EFNA5: variants seen among roughly 807,000 people sequenced by gnomAD.
The protein encoded by EFNA5 is ephrin-A5.
Under a neutral mutation model 22.9 loss-of-function variants are expected in EFNA5, and 5 were observed. The observed-to-expected ratio is 0.22, with a 90% CI of 0.11 to 0.46. The LOEUF (loss-of-function observed/expected upper bound fraction) is 0.46. EFNA5 is among the 20% of genes least tolerant of loss of function. The pLI is 0.99. For synonymous variants in EFNA5, 113 were observed against 112.2 expected (o/e 1.01, Z -0.04); for missense variants, 237 against 293.3 (o/e 0.81, Z 1.40).
intron 1 of EFNA5, among the ~76,000 whole-genome samples, chr5:107,499,192 T>A (rs975615027): frequency 6.6e-6 from 1 of 152,250 alleles, no homozygotes; most frequent in Admixed American, 6.5e-5. Flanking sequence ...AATTTTTTTT[T>A]AAATCGGGAG....
chr5:107,553,382 C>T (rs1358192065), intron 1 of EFNA5, among the ~76,000 whole-genome samples: 1 of 152,192 alleles, frequency 6.6e-6, no homozygotes, highest in East Asian at 1.9e-4. Flanking sequence ...CAGCCCCACT[C>T]CACCACCGCC....
At chr5:107,569,296 A>G (rs609539) in intron 1 of EFNA5, among the ~76,000 whole-genome samples, 9,450 of 150,392 alleles carry the variant, frequency 0.063, 888 homozygotes, top group African/African-American at 0.21. Context: ...AGCAACTCAA[A>G]TTTCCAAGTA....
chr5:107,402,064 C>T (rs1748100307), intron 2 of EFNA5, among the ~76,000 whole-genome samples: 1 of 152,100 alleles, frequency 6.6e-6, no homozygotes, highest in South Asian at 2.1e-4. Flanking sequence ...ACCAAAGTGG[C>T]CTAAGAACTA....
chr5:107,405,127 C>T (rs1748174207), intron 2 of EFNA5, among the ~76,000 whole-genome samples: 1 of 152,200 alleles, frequency 6.6e-6, no homozygotes, highest in East Asian at 1.9e-4. Flanking sequence ...GAACCGGCAG[C>T]GATACTCGCC....
At chr5:107,564,308 C>T (rs1748614643) in intron 1 of EFNA5, among the ~76,000 whole-genome samples, 1 of 152,196 alleles carries the variant, frequency 6.6e-6, no homozygotes, top group Non-Finnish European at 1.5e-5. Flanking sequence ...CTCCATTCTG[C>T]ATTTTCAAAA....
chr5:107,578,975 A>AT (rs1206221436), intron 1 of EFNA5, among the ~76,000 whole-genome samples: 1 of 152,078 alleles, frequency 6.6e-6, no homozygotes, highest in Admixed American at 6.5e-5. Flanking sequence ...CAAAATTTTA[A>AT]TTTTTTTAAT....
chr5:107,397,615 T>G (rs1169605673), intron 2 of EFNA5, among the ~76,000 whole-genome samples: 1 of 152,176 alleles, frequency 6.6e-6, no homozygotes, highest in Non-Finnish European at 1.5e-5. Context: ...TTGGTTGTAT[T>G]TCTTAACCAG....
In EFNA5 at chr5:107,617,491, C is replaced by T. The variant is rs563828852; in HGVS notation, c.125+52998G>A. Among the ~76,000 whole-genome samples, 3 of 152,260 alleles carry T rather than the reference C, an allele frequency of 2.0e-5. 1 individual carries two copies. Among genetic ancestry groups the T allele is most frequent in the South Asian group, 2.1e-4 (1 of 4,812 alleles). On this transcript the variant is annotated intron_variant, in intron 1 of 4. Coordinates refer to ENST00000333274, the MANE Select transcript of EFNA5 (RefSeq NM_001962.3). Reference sequence around the variant, plus strand: ...AGCAGGTAAAGAGTCACCACCAGCACCACCACCCAATGCTCACAACAGCTT... The same window carrying T: ...AGCAGGTAAAGAGTCACCACCAGCATCACCACCCAATGCTCACAACAGCTT...
At chr5:107,399,318 C>T (rs754129201) in intron 2 of EFNA5, among the ~76,000 whole-genome samples, 2 of 94,640 alleles carry the variant, frequency 2.1e-5, no homozygotes, top group East Asian at 2.6e-4. Flanking sequence ...AGGAAGGAAA[C>T]GGAAAGGAAA....
intron 1 of EFNA5, among the ~76,000 whole-genome samples, chr5:107,585,971 A>G (rs1483402493): frequency 3.3e-5 from 5 of 152,220 alleles, no homozygotes; most frequent in Admixed American, 3.3e-4. Flanking sequence ...AATGAAGACT[A>G]CTATGAAAAG....
intron 2 of EFNA5, among the ~76,000 whole-genome samples, chr5:107,423,829 T>C (rs1309031812): frequency 6.6e-6 from 1 of 152,338 alleles, no homozygotes; most frequent in East Asian, 1.9e-4. Flanking sequence ...GAATATAGCA[T>C]AGTTATTCTT....
At chr5:107,578,368 T>G (rs954646247) in intron 1 of EFNA5, among the ~76,000 whole-genome samples, 1 of 152,178 alleles carries the variant, frequency 6.6e-6, no homozygotes, top group Non-Finnish European at 1.5e-5. Context: ...TAATCAGTTT[T>G]GGGTTGTGGA....
chr5:107,537,602 A>G (rs1228340980), intron 1 of EFNA5, among the ~76,000 whole-genome samples: 1 of 152,172 alleles, frequency 6.6e-6, no homozygotes, highest in East Asian at 1.9e-4. Flanking sequence ...TCCTTCTCAA[A>G]AACAAAAACA....
intron 1 of EFNA5, among the ~76,000 whole-genome samples, chr5:107,566,409 G>A (rs1348070064): frequency 6.6e-6 from 1 of 152,118 alleles, no homozygotes; most frequent in African/African-American, 2.4e-5. Context: ...TTTTTGCCAG[G>A]AAAGTTCAAA....
At chr5:107,635,577 CT>C (rs1750357343) in intron 1 of EFNA5, among the ~76,000 whole-genome samples, 1 of 152,186 alleles carries the variant, frequency 6.6e-6, no homozygotes, top group East Asian at 1.9e-4. Context: ...TCATTTTGTG[CT>C]GACACATACC....
intron 1 of EFNA5, among the ~76,000 whole-genome samples, chr5:107,578,907 A>G (rs1748983118): frequency 6.6e-6 from 1 of 152,212 alleles, no homozygotes; most frequent in South Asian, 2.1e-4. Flanking sequence ...AATTTCTTTT[A>G]AAATAAATAA....
At chr5:107,535,790 G>A (rs1747918272) in intron 1 of EFNA5, among the ~76,000 whole-genome samples, 1 of 152,128 alleles carries the variant, frequency 6.6e-6, no homozygotes, top group Admixed American at 6.5e-5. Flanking sequence ...TAGTCATGAA[G>A]ATCATCACTA....
At chr5:107,651,382 G>C (rs942162552) in intron 1 of EFNA5, among the ~76,000 whole-genome samples, 2 of 152,130 alleles carry the variant, frequency 1.3e-5, no homozygotes, top group Admixed American at 6.5e-5. Flanking sequence ...GGGCACATAA[G>C]TACTTCTGTG....
intron 1 of EFNA5, among the ~76,000 whole-genome samples, chr5:107,625,233 TTGGCTGTTTTGACATTAGG>T (rs1561452935): frequency 6.6e-6 from 1 of 152,174 alleles, no homozygotes; most frequent in Non-Finnish European, 1.5e-5. Context: ...GAAAATTTCA[TTGGCTGTTTTGACATTAGG>T]TGGCCAGCTG....
Sources: gnomAD v4.1 joint callset for allele counts (sites outside exome capture counted in the v4.1 genomes callset) on GRCh38, gnomAD v4.1.1 for gene constraint, MANE v1.5 for transcripts, NCBI Gene and HGNC (gene_info 2026-07-23, HGNC 2026-07-21) for gene names.